METTL16: variants seen among roughly 807,000 people sequenced by gnomAD.
METTL16 encodes RNA N(6)-adenosine-methyltransferase METTL16.
METTL16 carries 19 observed loss-of-function variants against 57.9 expected under a neutral mutation model. The ratio of observed to expected loss-of-function variants is 0.33; its 90% CI spans 0.23 to 0.48. The LOEUF is 0.48. Among genes scored for constraint, METTL16 ranks in the 20% least tolerant of loss-of-function variants. The pLI is 0.99. For synonymous variants in METTL16, 246 were observed against 255.6 expected (o/e 0.96, Z 0.36); for missense variants, 434 against 691.5 (o/e 0.63, Z 4.18).
chr17:2,467,608 AG>A (rs1476907230), intron 5 of METTL16, among the ~76,000 whole-genome samples, 152 bp downstream of exon 5: 1 of 152,104 alleles, frequency 6.6e-6, no homozygotes, highest in African/African-American at 2.4e-5. Context: ...TTGTATCTTT[AG>A]TAGAGACGGA....
chr17:2,508,975 G>T (rs58438992), intron 1 of METTL16, among the ~76,000 whole-genome samples: 3 of 151,690 alleles, frequency 2.0e-5, no homozygotes, highest in Non-Finnish European at 4.4e-5. Flanking sequence ...TCCCACCATC[G>T]CCTTTCACCT....
At position 2,428,592 on chromosome 17, in the gene METTL16, TATATATA is replaced by T. The variant is rs1567881663; in HGVS notation, c.889-7695_889-7689del. Among the ~76,000 whole-genome samples the T allele has an allele frequency of 2.4e-4, 11 of 46,712 alleles. 1 individual carries two copies. Among genetic ancestry groups the T allele is most frequent in the South Asian group, 1.1e-3 (1 of 926 alleles). The allele number at this position is 46,712 out of a possible 152,430, so 30.6% of individuals were successfully genotyped here. A position where few individuals can be genotyped will look rare whatever the true frequency, so the allele number is the denominator to read the frequency against. The stretch of plus-strand genomic sequence containing the variant: ...ATATATATATATATATATATATATA[TATATATA>T]TATAAATTGTAATACAGCGGGGCAC... On this transcript the variant is annotated intron_variant, in intron 8 of 9. Transcript: ENST00000263092.
chr17:2,457,796 C>G (rs753998458), intron 6 of METTL16, among the ~76,000 whole-genome samples: 3 of 151,920 alleles, frequency 2.0e-5, no homozygotes, highest in Non-Finnish European at 4.4e-5. Flanking sequence ...AATTCTATAA[C>G]CACTTTATGA....
rs1248553337 is a variant in METTL16, at chr17:2,430,476, C to T, written c.888+7633G>A. Among the ~76,000 whole-genome samples the T allele has an allele frequency of 1.1e-4, 14 of 130,204 alleles. No homozygotes were observed. The East Asian group carries it at 2.1e-3, about 20-fold the overall frequency. 85.4% of individuals were successfully genotyped at this position (130,204 alleles called of 152,430 possible). A position where few individuals can be genotyped will look rare whatever the true frequency, so the allele number is the denominator to read the frequency against. On this transcript the variant is annotated intron_variant, in intron 8 of 9. Transcript: ENST00000263092. ...TGTCGCCCAGGCTGGAGTGCAGTGG[C>T]GGGATCTCGGCTCACTGCAAGCTCC...
At chr17:2,497,532 C>T (rs1431097173) in intron 2 of METTL16, among the ~76,000 whole-genome samples, 2 of 151,184 alleles carry the variant, frequency 1.3e-5, no homozygotes. Flanking sequence ...AGGATGATCT[C>T]AAACTTCTGA....
chr17:2,486,335 G>A (rs2067340970), intron 2 of METTL16, among the ~76,000 whole-genome samples: 1 of 151,660 alleles, frequency 6.6e-6, no homozygotes, highest in Admixed American at 6.6e-5. Context: ...GCAATGGCGA[G>A]ATCTCGGCTC....
chr17:2,458,619 G>T (rs755881482), intron 6 of METTL16, among the ~76,000 whole-genome samples: 1 of 151,942 alleles, frequency 6.6e-6, no homozygotes, highest in African/African-American at 2.4e-5. Context: ...GGCTGACGTG[G>T]GAGAATCACT....
chr17:2,506,688 A>G (rs2067538862), intron 1 of METTL16, among the ~76,000 whole-genome samples: 1 of 152,238 alleles, frequency 6.6e-6, no homozygotes, highest in Non-Finnish European at 1.5e-5. Flanking sequence ...CCGAGATTGC[A>G]GCCTCTGCCC....
chr17:2,489,141 A>G (rs1420027009), intron 2 of METTL16, among the ~76,000 whole-genome samples: 1 of 149,410 alleles, frequency 6.7e-6, no homozygotes, highest in African/African-American at 2.5e-5. Flanking sequence ...TATTTTTTGT[A>G]GAGAAGGGGT....
intron 8 of METTL16, among the ~76,000 whole-genome samples, chr17:2,425,874 A>G (rs2066814146): frequency 6.6e-6 from 1 of 151,960 alleles, no homozygotes; most frequent in African/African-American, 2.4e-5. Context: ...TTTTGTAGAG[A>G]TGGGGTTCTG....
intron 7 of METTL16, among the ~76,000 whole-genome samples, chr17:2,438,564 C>T (rs1199175643): frequency 6.6e-6 from 1 of 151,994 alleles, no homozygotes; most frequent in East Asian, 1.9e-4. Context: ...GTGCAGTGTG[C>T]GGTCTTGGCT....
intron 6 of METTL16, among the ~76,000 whole-genome samples, chr17:2,446,288 T>G (rs1218917712): frequency 6.6e-6 from 1 of 152,142 alleles, no homozygotes. Context: ...GTGCTGGAGA[T>G]CCTAGTCAGT....
intron 7 of METTL16, among the ~76,000 whole-genome samples, chr17:2,439,146 G>C (rs962523818): frequency 9.2e-5 from 14 of 152,066 alleles, no homozygotes; most frequent in Admixed American, 7.2e-4. Flanking sequence ...GTCTCGCTCT[G>C]TCGTCCAGAT....
intron 8 of METTL16, among the ~76,000 whole-genome samples, chr17:2,426,937 C>T (rs1479514615): frequency 2.0e-5 from 3 of 150,604 alleles, no homozygotes; most frequent in Admixed American, 6.7e-5. Flanking sequence ...TAGTTCCAGA[C>T]CAGCCTGGCC....
At chr17:2,428,602 T>TTAA (rs1555615222) in intron 8 of METTL16, among the ~76,000 whole-genome samples, 1 of 94,992 alleles carries the variant, frequency 1.1e-5, no homozygotes, top group Admixed American at 1.4e-4. Flanking sequence ...TATATATATA[T>TTAA]AAATTGTAAT....
chr17:2,496,368 A>G (rs1801844299), intron 2 of METTL16, among the ~76,000 whole-genome samples: 1 of 151,356 alleles, frequency 6.6e-6, no homozygotes, highest in Non-Finnish European at 1.5e-5. Flanking sequence ...TGTAATCATA[A>G]GTTCACTGCA....
In METTL16 at chr17:2,420,342, G is replaced by A. The variant is rs199617573; in HGVS notation, c.1317C>T (p.Gly439=). 64 of 1,611,544 alleles carry A rather than the reference G, an allele frequency of 4.0e-5. No individual in the cohort carries two copies. The highest frequency in any genetic ancestry group is 3.2e-4 in the African/African-American group (24 of 75,054). Residue 439 remains glycine, a synonymous_variant, in exon 10 of 10, where the codon GGC becomes GGT. Coordinates refer to ENST00000263092, the MANE Select transcript of METTL16 (RefSeq NM_024086.4). This position sits in a 1 kb window ranked among gnomAD's most constrained non-coding sequence, Gnocchi z 5.4. ...RTPCGPALRE[G]EAAAVEGPCP... ...ACGGGCCCTCCACAGCGGCAGCCTC[G>A]CCTTCCCGCAGAGCAGGCCCACAGG... is the stretch of plus-strand genomic sequence containing the variant.
At chr17:2,479,355 A>C (rs2067288310) in intron 2 of METTL16, among the ~76,000 whole-genome samples, 1 of 139,004 alleles carries the variant, frequency 7.2e-6, no homozygotes, top group African/African-American at 2.7e-5. Flanking sequence ...TTTTTCGTAG[A>C]GAAAAGGGCC....
chr17:2,448,952 G>A (rs1195359025), intron 6 of METTL16, among the ~76,000 whole-genome samples: 1 of 150,178 alleles, frequency 6.7e-6, no homozygotes, highest in African/African-American at 2.4e-5. Context: ...GCTTGAACCT[G>A]GGAGACAGAG....
Sources: gnomAD v4.1 joint callset for allele counts (sites outside exome capture counted in the v4.1 genomes callset) on GRCh38, gnomAD v4.1.1 for gene constraint, Gnocchi (gnomAD v3.1) non-coding constraint, MANE v1.5 for transcripts, NCBI Gene and HGNC (gene_info 2026-07-23, HGNC 2026-07-21) for gene names.